The following GRM5 variants were observed in gnomAD, a reference collection of about 807,000 sequenced individuals.
GRM5 encodes the protein metabotropic glutamate receptor 5.
Under a neutral mutation model 83.1 loss-of-function variants are expected in GRM5, and 19 were observed. The ratio of observed to expected loss-of-function variants is 0.23; its 90% confidence interval spans 0.16 to 0.34. The LOEUF is 0.34. Ranked by LOEUF, GRM5 falls within the 10% of genes least tolerant of loss-of-function variation. GRM5 has a pLI of 1.00. For missense variants in GRM5, 1,160 were observed against 1,588.3 expected (o/e 0.73, Z 4.58); for synonymous variants, 675 against 633.6 (o/e 1.07, Z -0.98).
chr11:89,019,558 A>G (rs1940932888), intron 2 of GRM5, among the ~76,000 whole-genome samples: 1 of 150,300 alleles, frequency 6.7e-6, no homozygotes, highest in African/African-American at 2.5e-5. Context: ...AAAAAAAATT[A>G]GCTGGTCGTG....
At chr11:89,039,244 G>A (rs745862468) in intron 2 of GRM5, among the ~76,000 whole-genome samples, 1 of 145,418 alleles carries the variant, frequency 6.9e-6, no homozygotes, top group Non-Finnish European at 1.5e-5. Flanking sequence ...CAGCCTGGGC[G>A]ACAAACTGAG....
intron 2 of GRM5, among the ~76,000 whole-genome samples, chr11:88,991,209 T>C (rs536902032): frequency 1.8e-3 from 279 of 152,216 alleles, no homozygotes; most frequent in African/African-American, 6.1e-3. Context: ...AGCATTCTTA[T>C]ACACCAACAA....
intron 2 of GRM5, among the ~76,000 whole-genome samples, chr11:88,953,641 C>T (rs1228108891): frequency 6.6e-6 from 1 of 152,138 alleles, no homozygotes; most frequent in Admixed American, 6.5e-5. Flanking sequence ...TGTGGCCAGT[C>T]GCTATCAGAA....
At chr11:88,678,062 ATTTT>A (rs11413890) in intron 3 of GRM5, among the ~76,000 whole-genome samples, 1 of 146,856 alleles carries the variant, frequency 6.8e-6, no homozygotes, top group South Asian at 2.2e-4. Flanking sequence ...TAATTTCTGA[ATTTT>A]TTTTTTTTTA....
intron 3 of GRM5, among the ~76,000 whole-genome samples, chr11:88,702,059 G>A (rs1941048270): frequency 6.6e-6 from 1 of 152,066 alleles, no homozygotes; most frequent in Non-Finnish European, 1.5e-5. Flanking sequence ...TCCTATTATG[G>A]TAGGGAATTC....
intron 2 of GRM5, among the ~76,000 whole-genome samples, chr11:88,919,003 C>T (rs1333261692): frequency 6.7e-6 from 1 of 149,334 alleles, no homozygotes; most frequent in Non-Finnish European, 1.5e-5. Context: ...TCCAAGACAA[C>T]CAGAGAACAA....
intron 5 of GRM5, among the ~76,000 whole-genome samples, chr11:88,600,112 T>C (rs1475391080): frequency 1.3e-5 from 2 of 152,122 alleles, no homozygotes; most frequent in East Asian, 3.8e-4. Flanking sequence ...GAAGCAAAGA[T>C]TAGTGTGTCA....
chr11:88,796,608 T>C (rs1943279511), intron 3 of GRM5, among the ~76,000 whole-genome samples: 1 of 152,158 alleles, frequency 6.6e-6, no homozygotes, highest in Non-Finnish European at 1.5e-5. Context: ...ATTTTTTAAG[T>C]GCCATGATAT....
chr11:88,698,982 A>G (rs1353716691), intron 3 of GRM5, among the ~76,000 whole-genome samples: 3 of 152,208 alleles, frequency 2.0e-5, no homozygotes, highest in Non-Finnish European at 4.4e-5. Context: ...CTCAGATTAT[A>G]CAAGTGGTTA....
intron 6 of GRM5, among the ~76,000 whole-genome samples, chr11:88,592,079 G>A (rs1937652547): frequency 6.6e-6 from 1 of 152,162 alleles, no homozygotes; most frequent in African/African-American, 2.4e-5. Flanking sequence ...GAGTCTTACT[G>A]GAAGATAGAC....
At chr11:88,647,428 A>G (rs1939493729) in intron 4 of GRM5, among the ~76,000 whole-genome samples, 3 of 152,008 alleles carry the variant, frequency 2.0e-5, no homozygotes, top group Non-Finnish European at 2.9e-5. Context: ...AGGAGCCCCA[A>G]AAGTATGGTA....
rs537957290 is a variant in GRM5, at chr11:88,836,709, C to T, written c.911+13197G>A. ...ACTTGGGAGGCTAAGGATGGAGAAT[C>T]GCTTGAACTCAGGAGACAGAGACTG... On this transcript the variant is annotated intron_variant, in intron 3 of 9. Transcript: ENST00000305447. Among the ~76,000 whole-genome samples the T allele has an allele frequency of 2.6e-5, 4 of 152,140 alleles. No individual in the cohort carries two copies. The South Asian group carries it at 8.3e-4, about 32-fold the overall frequency.
intron 2 of GRM5, among the ~76,000 whole-genome samples, chr11:89,023,600 C>T (rs1233718766): frequency 3.9e-5 from 6 of 151,998 alleles, no homozygotes; most frequent in African/African-American, 1.5e-4. Flanking sequence ...AATCCCAGCA[C>T]TTTGGGAGGC....
At chr11:88,970,825 G>C (rs1489363599) in intron 2 of GRM5, among the ~76,000 whole-genome samples, 1 of 152,160 alleles carries the variant, frequency 6.6e-6, no homozygotes, top group Non-Finnish European at 1.5e-5. Context: ...GTGGTATGTA[G>C]GGGCCCAGCT....
chr11:88,543,433 G>A (rs1021937503), intron 8 of GRM5, among the ~76,000 whole-genome samples: 5 of 152,022 alleles, frequency 3.3e-5, no homozygotes, highest in African/African-American at 1.2e-4. Context: ...AATAGCAGAA[G>A]GTTTCTGAAG....
chr11:88,509,768 G>T (rs1175896202), intron 9 of GRM5, among the ~76,000 whole-genome samples: 2 of 152,192 alleles, frequency 1.3e-5, no homozygotes, highest in African/African-American at 2.4e-5. Flanking sequence ...TGCTTGTCAG[G>T]ATGAAGGAGT....
At position 88,507,131 on chromosome 11, in the gene GRM5, T is replaced by C. The variant is rs1197876603; in HGVS notation, c.*1461A>G. The C allele has an allele frequency of 2.0e-5, 3 of 152,178 alleles. No individual in the cohort carries two copies. The highest frequency in any genetic ancestry group is 4.4e-5 in the Non-Finnish European group (3 of 68,034). The allele number at this position is 152,178 out of a possible 1,614,324, so 9.4% of individuals were successfully genotyped here. On this transcript the variant is annotated 3_prime_UTR_variant, in exon 10 of 10. Coordinates refer to ENST00000305447, the MANE Select transcript of GRM5 (RefSeq NM_001143831.3). ...TATGAATTCTACCTATTTGAGACTA[T>C]CAAAGCACACTTGTTTCTGTTATAC... is the stretch of plus-strand genomic sequence containing the variant.
At chr11:88,570,488 T>A (rs1037569068) in intron 7 of GRM5, among the ~76,000 whole-genome samples, 2 of 148,164 alleles carry the variant, frequency 1.3e-5, no homozygotes, top group African/African-American at 2.5e-5. Context: ...TGCCATAGAG[T>A]TTAGGCTTAT....
At chr11:89,032,067 TTA>T (rs1182935415) in intron 2 of GRM5, among the ~76,000 whole-genome samples, 1 of 152,108 alleles carries the variant, frequency 6.6e-6, no homozygotes, top group African/African-American at 2.4e-5. Flanking sequence ...CATAAATATT[TTA>T]TGTTTGTTTA....
Sources: allele counts gnomAD v4.1 joint callset (sites outside exome capture counted in the v4.1 genomes callset), GRCh38; gene constraint gnomAD v4.1.1; transcripts MANE v1.5; gene names NCBI Gene and HGNC (gene_info 2026-07-23, HGNC 2026-07-21).